XRRA1: variants seen among roughly 807,000 people sequenced by gnomAD.
The protein encoded by XRRA1 is X-ray radiation resistance associated 1.
In XRRA1, 69 loss-of-function variants were observed where a neutral mutation model predicts 80.2. The ratio of observed to expected loss-of-function variants is 0.86; its 90% CI spans 0.71 to 1.05. XRRA1 has a LOEUF of 1.05. XRRA1 is among the 50% of genes least tolerant of loss of function. The pLI is 0.00. For missense variants in XRRA1, 967 were observed against 976.4 expected (o/e 0.99, Z 0.13); for synonymous variants, 348 against 389.9 (o/e 0.89, Z 1.27).
intron 12 of XRRA1, among the ~76,000 whole-genome samples, chr11:74,856,341 A>G (rs912276654): frequency 1.3e-5 from 2 of 152,244 alleles, no homozygotes; most frequent in African/African-American, 4.8e-5. Flanking sequence ...AAAGTAAAAT[A>G]CCATTTAAAA....
In XRRA1 at chr11:74,841,295, G is replaced by A. The variant is rs1369426045; in HGVS notation, c.*1905C>T. On this transcript the variant is annotated 3_prime_UTR_variant, in exon 19 of 19. Transcript: ENST00000684022. ...ATTCTCAAAAGAGAAAGCAGGTCTG[G>A]GGCGGGGTGGTCAGGAGACAGATTC... 6.6e-6 allele frequency: 1 copy of A among 152,162 alleles called. No individual in the cohort carries two copies. The highest frequency in any genetic ancestry group is 1.9e-4 in the East Asian group (1 of 5,194). 9.4% of individuals were successfully genotyped at this position (152,162 alleles called of 1,614,324 possible). A position where few individuals can be genotyped will look rare whatever the true frequency, so the allele number is the denominator to read the frequency against.
At chr11:74,916,917 T>G (rs1372783862) in intron 8 of XRRA1, among the ~76,000 whole-genome samples, 1 of 152,232 alleles carries the variant, frequency 6.6e-6, no homozygotes, top group Non-Finnish European at 1.5e-5. Flanking sequence ...TGCATTTCTC[T>G]GGATATATGT....
rs549916156 is a variant in XRRA1, at chr11:74,933,546, A to G, written c.351+255T>C. 11 of 326,886 alleles carry G rather than the reference A, an allele frequency of 3.4e-5. 1 individual carries two copies. In the South Asian group the frequency reaches 3.6e-4, roughly 11 times the overall value. The allele number at this position is 326,886 out of a possible 1,614,324, so 20.2% of individuals were successfully genotyped here. ...GCTGGGATTACAGCCCTGAGCCACC[A>G]CGCCTGGCCCATAAGGCAATTTTCT... On this transcript the variant is annotated intron_variant, in intron 5 of 18. Coordinates refer to ENST00000684022, the MANE Select transcript of XRRA1 (RefSeq NM_001378157.1).
intron 10 of XRRA1, among the ~76,000 whole-genome samples, chr11:74,887,706 A>C (rs2049407211): frequency 6.6e-6 from 1 of 152,146 alleles, no homozygotes; most frequent in South Asian, 2.1e-4. Context: ...CACCTGGAAA[A>C]TCGGGTCACT....
intron 2 of XRRA1, among the ~76,000 whole-genome samples, chr11:74,943,569 C>CTGTGTCAG (rs1946859961): frequency 1.2e-5 from 1 of 86,654 alleles, no homozygotes; most frequent in East Asian, 5.5e-4. Context: ...GTGTATGTGT[C>CTGTGTCAG]AGAGAGAGAG....
intron 4 of XRRA1, among the ~76,000 whole-genome samples, chr11:74,935,887 G>GA (rs1271404475): frequency 6.6e-6 from 1 of 152,000 alleles, no homozygotes; most frequent in African/African-American, 2.4e-5. Context: ...AACAAGGGAA[G>GA]AAAAAAAGGC....
In XRRA1 at chr11:74,848,205, C is replaced by T; in HGVS notation, c.1638G>A (p.Leu546=). The change falls in exon 15 of 19, where the codon CTG becomes CTA. Residue 546 remains leucine (L), a synonymous_variant. Coordinates refer to ENST00000684022, the MANE Select transcript of XRRA1 (RefSeq NM_001378157.1). ...SNSTVHSEET[L]SHLSDTTVRL... is the part of the protein sequence containing the mutation. ...GGACAGTTGTGTCACTCAGGTGGGA[C>T]AGGGTCTCTTCACTATGCACAGTGG... The T allele has an allele frequency of 1.9e-6, 3 of 1,613,872 alleles. No homozygotes were observed. The highest frequency in any genetic ancestry group is 2.5e-6 in the Non-Finnish European group (3 of 1,179,856).
intron 3 of XRRA1, among the ~76,000 whole-genome samples, chr11:74,940,579 G>A (rs1946124234): frequency 6.6e-6 from 1 of 152,224 alleles, no homozygotes. Context: ...AAAGGAGTTA[G>A]CAATGAGAAG....
In XRRA1 at chr11:74,848,379, C is replaced by T. The variant is rs368710375; in HGVS notation, c.1464G>A (p.Lys488=). Residue 488 remains lysine, a synonymous_variant, in exon 15 of 19, where the codon AAG becomes AAA. Transcript: ENST00000684022. Reference sequence around the variant, plus strand: ...GCTCTGCCTCTGGCTCTAGCATATCCTTTGAGGGAGACTTGGTTGTCGTCA... The same window carrying T: ...GCTCTGCCTCTGGCTCTAGCATATCTTTTGAGGGAGACTTGGTTGTCGTCA... The part of the protein sequence containing the change: ...PRMTTTKSPS[K]DMLEPEAELA... 1 of 1,613,952 alleles carries T rather than the reference C, an allele frequency of 6.2e-7. No individual in the cohort carries two copies. Among genetic ancestry groups the T allele is most frequent in the African/African-American group, 1.3e-5 (1 of 75,036 alleles).
chr11:74,843,395 C>A lies in XRRA1; in HGVS notation c.2208G>T (p.Glu736Asp). The change falls in exon 19 of 19, where the codon GAG becomes GAT. Residue 736 changes from glutamate (E) to aspartate (D), a missense_variant. By Grantham distance (45) the Glu-to-Asp change is conservative. Transcript: ENST00000684022. ...GGAACTCCTTCAACAGCCTCTTGGC[C>A]TCCAGGTACTGCTTGTGGTTCACCA... is the stretch of plus-strand genomic sequence containing the variant. Reference protein sequence around the residue: ...RRLVNHKQYLEAKRLLKEFQA... With the variant: ...RRLVNHKQYLDAKRLLKEFQA... 3 of 1,612,670 alleles carry A rather than the reference C, an allele frequency of 1.9e-6. No homozygotes were observed. The highest frequency in any genetic ancestry group is 2.5e-6 in the Non-Finnish European group (3 of 1,179,394).
At chr11:74,890,688 C>G (rs957729769) in intron 10 of XRRA1, among the ~76,000 whole-genome samples, 15 of 152,132 alleles carry the variant, frequency 9.9e-5, no homozygotes, top group Non-Finnish European at 1.5e-4. Flanking sequence ...AGAGAAGAAT[C>G]AAATAGATGC....
chr11:74,946,468 C>A (rs1323078975), intron 1 of XRRA1, among the ~76,000 whole-genome samples: 3 of 152,186 alleles, frequency 2.0e-5, no homozygotes, highest in Non-Finnish European at 4.4e-5. Flanking sequence ...CACACTCTTG[C>A]CCTCTCTTGC....
chr11:74,939,732 T>C (rs1945907763), intron 3 of XRRA1, among the ~76,000 whole-genome samples: 1 of 152,242 alleles, frequency 6.6e-6, no homozygotes, highest in Non-Finnish European at 1.5e-5. Context: ...GTGTCATTGC[T>C]GTCAGTGGAC....
chr11:74,861,446 T>C (rs1391735303), intron 11 of XRRA1, among the ~76,000 whole-genome samples: 1 of 152,162 alleles, frequency 6.6e-6, no homozygotes, highest in Non-Finnish European at 1.5e-5. Flanking sequence ...GGGATCTAGG[T>C]TGTGTGCTCG....
At position 74,842,366 on chromosome 11, in the gene XRRA1, A is replaced by G. The variant is rs756900976; in HGVS notation, c.*834T>C. 3.9e-5 allele frequency: 6 copies of G among 152,260 alleles called. No individual in the cohort carries two copies. Among genetic ancestry groups the G allele is most frequent in the Non-Finnish European group, 8.8e-5 (6 of 68,046 alleles). 9.4% of individuals were successfully genotyped at this position (152,260 alleles called of 1,614,324 possible). ...CTTCAATGTATGTTTGCCTGCTTGAAGCAAGGCCCAAGTTGAGAATACAGT... is the reference window on the plus strand; with the variant it reads ...CTTCAATGTATGTTTGCCTGCTTGAGGCAAGGCCCAAGTTGAGAATACAGT... On this transcript the variant is annotated 3_prime_UTR_variant, in exon 19 of 19. Transcript: ENST00000684022.
At chr11:74,914,556 C>T (rs1401445209) in intron 8 of XRRA1, among the ~76,000 whole-genome samples, 1 of 152,126 alleles carries the variant, frequency 6.6e-6, no homozygotes, top group Non-Finnish European at 1.5e-5. Context: ...CACCTGTTAT[C>T]GCCAAATAAT....
chr11:74,931,606 T>C (rs886925892), intron 5 of XRRA1, among the ~76,000 whole-genome samples: 1 of 152,240 alleles, frequency 6.6e-6, no homozygotes, highest in African/African-American at 2.4e-5. Flanking sequence ...ATTACAGGCA[T>C]GAGCCACCAC....
At chr11:74,946,245 C>A (rs1312339419) in intron 1 of XRRA1, among the ~76,000 whole-genome samples, 1 of 152,170 alleles carries the variant, frequency 6.6e-6, no homozygotes, top group Non-Finnish European at 1.5e-5. Context: ...GCCCAGCCAT[C>A]AGGCCCACTT....
chr11:74,866,257 T>C (rs951400008), intron 10 of XRRA1, among the ~76,000 whole-genome samples: 8 of 152,074 alleles, frequency 5.3e-5, no homozygotes, highest in African/African-American at 1.4e-4. Context: ...TTTGTTTTGT[T>C]TTGTGCTTTT....
Sources: gnomAD v4.1 joint callset for allele counts (sites outside exome capture counted in the v4.1 genomes callset) on GRCh38, gnomAD v4.1.1 for gene constraint, MANE v1.5 for transcripts, NCBI Gene and HGNC (gene_info 2026-07-23, HGNC 2026-07-21) for gene names.